The following CISTR variants were observed in gnomAD, a reference collection of about 807,000 sequenced individuals.
CISTR encodes the protein chondrogenic regulator lncRNA.
intron 2 of CISTR, among the ~76,000 whole-genome samples, chr12:53,747,190 T>C (rs1488171915): frequency 6.6e-6 from 1 of 152,214 alleles, no homozygotes. Flanking sequence ...GCATTGTGCT[T>C]CTGGGCTTCT....
chr12:53,748,969 A>ATGGG (rs1937814186), intron 2 of CISTR, among the ~76,000 whole-genome samples: 1 of 151,940 alleles, frequency 6.6e-6, no homozygotes, highest in African/African-American at 2.4e-5. Flanking sequence ...GTGAGTGTGT[A>ATGGG]TGGGTGTGTG....
chr12:53,754,236 C>G (rs1445395811), intron 1 of CISTR: 1 of 152,140 alleles, frequency 6.6e-6, no homozygotes, highest in South Asian at 2.1e-4. Flanking sequence ...ATTATCTAGT[C>G]TAGACTTTCA....
At chr12:53,749,250 A>G (rs1003652684) in intron 2 of CISTR, among the ~76,000 whole-genome samples, 24 of 151,944 alleles carry the variant, frequency 1.6e-4, no homozygotes, top group African/African-American at 5.8e-4. Flanking sequence ...GGACAGTCAG[A>G]GAAAGACAGA....
At chr12:53,749,313 T>C (rs1593109768) in intron 2 of CISTR, among the ~76,000 whole-genome samples, 1 of 151,446 alleles carries the variant, frequency 6.6e-6, no homozygotes, top group Non-Finnish European at 1.5e-5. Context: ...TGTGTGTATA[T>C]ATATATATAA....
At chr12:53,752,037 C>T (rs1456792508) in intron 1 of CISTR, among the ~76,000 whole-genome samples, 1 of 152,100 alleles carries the variant, frequency 6.6e-6, no homozygotes, top group African/African-American at 2.4e-5. Flanking sequence ...CGCCCCGCAC[C>T]GCCCGCCCCG....
intron 1 of CISTR, among the ~76,000 whole-genome samples, chr12:53,753,052 TCACACACACA>T (rs760615546): frequency 3.3e-5 from 4 of 121,246 alleles, no homozygotes; most frequent in Non-Finnish European, 7.4e-5. Flanking sequence ...CATCTATACA[TCACACACACA>T]CACACACACA....
rs560664245 is a variant in CISTR at position 53,754,081 on chromosome 12, A to G, written n.414+2733T>C. Among the ~76,000 whole-genome samples the G allele has an allele frequency of 1.7e-4, 26 of 152,226 alleles. No individual in the cohort carries two copies. The South Asian group carries it at 2.9e-3, about 17-fold the overall frequency. On this transcript the variant is annotated intron_variant and non_coding_transcript_variant, in intron 1 of 2. Transcript: ENST00000669269. ...AGGGAGAGGCCTCCAGAAGTCCCCA[A>G]ACACAAAGAGGGAGGAGATAGAGGT...
chr12:53,755,448 T>C (rs1565660025), intron 1 of CISTR, among the ~76,000 whole-genome samples: 1 of 152,306 alleles, frequency 6.6e-6, no homozygotes, highest in East Asian at 1.9e-4. Flanking sequence ...ACATTTCTTT[T>C]GCTGACAGTA....
At chr12:53,749,194 G>A (rs1199303328) in intron 2 of CISTR, among the ~76,000 whole-genome samples, 1 of 152,014 alleles carries the variant, frequency 6.6e-6, no homozygotes, top group Non-Finnish European at 1.5e-5. Context: ...CAGAGATCAA[G>A]GGGAGAGAAA....
rs1031099199 is a variant in CISTR, at chr12:53,751,572, C to T, written n.415-607G>A. ...TCCCTGGTGGGCCCTCAGCCTCCTC[C>T]GCGCGGCGCGGACTCATTACGGCTG... On this transcript the variant is annotated intron_variant and non_coding_transcript_variant, in intron 1 of 2. Coordinates refer to ENST00000669269, the Ensembl canonical transcript of CISTR. This position sits in a 1 kb window ranked among gnomAD's most constrained non-coding sequence, Gnocchi z 4.6. 9.2e-5 allele frequency among the ~76,000 whole-genome samples: 14 copies of T among 152,290 alleles called. No homozygotes were observed. Among genetic ancestry groups the T allele is most frequent in the Admixed American group, 5.9e-4 (9 of 15,302 alleles).
chr12:53,751,060 A>T lies in CISTR; in HGVS notation n.415-95T>A. The stretch of plus-strand genomic sequence containing the variant: ...AGCAGCCAAAGGGACGGACACTCAC[A>T]CACACACACACGCACACACTCACTC... On this transcript the variant is annotated intron_variant and non_coding_transcript_variant, in intron 1 of 2. Transcript: ENST00000669269. The surrounding 1 kb of genome is among the most constrained non-coding windows in gnomAD (Gnocchi z 4.6). 6.5e-6 allele frequency: 1 copy of T among 152,978 alleles called. No homozygotes were observed. The highest frequency in any genetic ancestry group is 1.5e-5 in the Non-Finnish European group (1 of 68,332). The allele number at this position is 152,978 out of a possible 1,614,324, so 9.5% of individuals were successfully genotyped here.
intron 2 of CISTR, among the ~76,000 whole-genome samples, chr12:53,747,328 T>C (rs1593109255): frequency 1.3e-5 from 2 of 152,172 alleles, no homozygotes; most frequent in Non-Finnish European, 2.9e-5. Context: ...GGCTCGTTAT[T>C]TGCTAGCTTT....
intron 1 of CISTR, among the ~76,000 whole-genome samples, chr12:53,752,875 C>A (rs1226394823): frequency 6.6e-6 from 1 of 152,132 alleles, no homozygotes; most frequent in Non-Finnish European, 1.5e-5. Flanking sequence ...ACACGTCAAC[C>A]CGCATTAGTC....
intron 2 of CISTR, among the ~76,000 whole-genome samples, chr12:53,747,589 G>C (rs2120730032): frequency 6.6e-6 from 1 of 152,242 alleles, no homozygotes; most frequent in South Asian, 2.1e-4. Flanking sequence ...GTGTAGCTGG[G>C]GATATTGTCC....
chr12:53,746,746 T>C (rs1937786202), exon 3 of CISTR, among the ~76,000 whole-genome samples: 1 of 152,214 alleles, frequency 6.6e-6, no homozygotes, highest in Admixed American at 6.5e-5. Flanking sequence ...CGTCTGGATC[T>C]GTAGGGAGCG....
At chr12:53,755,497 G>A (rs1018461953) in intron 1 of CISTR, among the ~76,000 whole-genome samples, 1 of 152,144 alleles carries the variant, frequency 6.6e-6, no homozygotes, top group Non-Finnish European at 1.5e-5. Context: ...TAAAGTCCAG[G>A]ATCTGGCTCA....
At position 53,751,545 on chromosome 12, in the gene CISTR, A is replaced by G. The variant is rs906354692; in HGVS notation, n.415-580T>C. Among the ~76,000 whole-genome samples the G allele has an allele frequency of 6.6e-6, 1 of 151,822 alleles. No individual in the cohort carries two copies. The highest frequency in any genetic ancestry group is 1.9e-4 in the East Asian group (1 of 5,150). ...AAACAAGCTAAACGAGGCGCGCAGG[A>G]CTCCCTGGTGGGCCCTCAGCCTCCT... On this transcript the variant is annotated intron_variant and non_coding_transcript_variant, in intron 1 of 2. Transcript: ENST00000669269. This position sits in a 1 kb window ranked among gnomAD's most constrained non-coding sequence, Gnocchi z 4.6.
chr12:53,749,361 G>A lies in CISTR; in HGVS notation n.1063+956C>T, dbSNP rs1937819943. Reference sequence around the variant, plus strand: ...AGAGAGTGCCTCTAACTGCAGGAGGGCGAGAGGGGCACGGAGAGAGAGGGG... The same window carrying A: ...AGAGAGTGCCTCTAACTGCAGGAGGACGAGAGGGGCACGGAGAGAGAGGGG... On this transcript the variant is annotated intron_variant and non_coding_transcript_variant, in intron 2 of 2. Coordinates refer to ENST00000669269, the Ensembl canonical transcript of CISTR. Among the ~76,000 whole-genome samples the A allele has an allele frequency of 2.0e-5, 3 of 151,694 alleles. No homozygotes were observed. The South Asian group carries it at 6.3e-4, about 32-fold the overall frequency.
intron 2 of CISTR, among the ~76,000 whole-genome samples, chr12:53,749,357 G>A (rs921829581): frequency 3.3e-5 from 5 of 151,778 alleles, no homozygotes; most frequent in African/African-American, 1.2e-4. Flanking sequence ...CTAACTGCAG[G>A]AGGGCGAGAG....
Sources: allele counts gnomAD v4.1 joint callset (sites outside exome capture counted in the v4.1 genomes callset), GRCh38; gene constraint gnomAD v4.1.1; non-coding constraint Gnocchi (gnomAD v3.1); transcripts MANE v1.5; gene names NCBI Gene and HGNC (gene_info 2026-07-23, HGNC 2026-07-21).